SI: variants seen among roughly 807,000 people sequenced by gnomAD.
SI encodes the protein sucrase-isomaltase, intestinal.
SI carries 235 observed loss-of-function variants against 253.3 expected under a neutral mutation model. That is an observed-to-expected ratio of 0.93 (90% CI 0.83 to 1.03). The LOEUF is 1.03. SI is among the 50% of genes least tolerant of loss of function. SI has a pLI of 0.00. For synonymous variants in SI, 819 were observed against 712.0 expected (o/e 1.15, Z -2.39); for missense variants, 2,442 against 2,211.1 (o/e 1.10, Z -2.09).
intron 44 of SI, among the ~76,000 whole-genome samples, chr3:164,991,103 C>T (rs1717712880): frequency 6.6e-6 from 1 of 152,028 alleles, no homozygotes; most frequent in Admixed American, 6.6e-5. Flanking sequence ...GCAACATCTG[C>T]CTGGGTCGCT....
intron 22 of SI, 117 bp downstream of exon 22, chr3:165,036,272 A>C (rs1322139277): frequency 1.4e-6 from 1 of 716,162 alleles, no homozygotes; most frequent in African/African-American, 1.8e-5. Context: ...GATAAAAAAC[A>C]TTAGGAATTA....
At chr3:165,010,328 T>A (rs1647913701) in intron 34 of SI, among the ~76,000 whole-genome samples, 2 of 151,808 alleles carry the variant, frequency 1.3e-5, no homozygotes, top group Non-Finnish European at 2.9e-5. Context: ...CCTGGCTAAT[T>A]TTTTGTATTT....
rs1559992260 is a variant in SI, at chr3:165,019,647, C to T, written c.3378G>A (p.Leu1126=). 1 of 1,612,542 alleles carries T rather than the reference C, an allele frequency of 6.2e-7. No homozygotes were observed. The highest frequency in any genetic ancestry group is 8.5e-7 in the Non-Finnish European group (1 of 1,179,082). The change falls in exon 28 of 48, where the codon CTG becomes CTA. Residue 1126 remains leucine, a synonymous_variant. Coordinates refer to ENST00000264382, the MANE Select transcript of SI (RefSeq NM_001041.4). ...TGAACATTCCCCAAGTATTCCAGTTCAGATCTCGCTTAAATGCTGTATGTT... is the reference window on the plus strand; with the variant it reads ...TGAACATTCCCCAAGTATTCCAGTTTAGATCTCGCTTAAATGCTGTATGTT... ...EVEHTAFKRD[L]NWNTWGMFTR...
intron 22 of SI, 95 bp downstream of exon 22, chr3:165,036,294 T>G: frequency 3.7e-6 from 3 of 803,900 alleles, no homozygotes; most frequent in East Asian, 5.2e-5. Flanking sequence ...AAATAAAAAT[T>G]CGTGATATTT....
intron 25 of SI, among the ~76,000 whole-genome samples, chr3:165,025,267 G>C (rs1274990547): frequency 6.6e-6 from 1 of 151,056 alleles, no homozygotes; most frequent in African/African-American, 2.4e-5. Flanking sequence ...TTCAAGATGA[G>C]GTTTTTGAAT....
At position 165,032,503 on chromosome 3, in the gene SI, T is replaced by A; in HGVS notation, c.2736+19A>T. 5 of 1,531,412 alleles carry A rather than the reference T, an allele frequency of 3.3e-6. No individual in the cohort carries two copies. The highest frequency in any genetic ancestry group is 4.5e-6 in the Non-Finnish European group (5 of 1,109,052). 94.9% of individuals were successfully genotyped at this position (1,531,412 alleles called of 1,614,324 possible). A position where few individuals can be genotyped will look rare whatever the true frequency, so the allele number is the denominator to read the frequency against. Reference sequence around the variant, plus strand: ...TGAGATTATATGATAGCTAAAATATTTTAAAAGATTGTAATTACCTGGTTA... The same window carrying A: ...TGAGATTATATGATAGCTAAAATATATTAAAAGATTGTAATTACCTGGTTA... On this transcript the variant is annotated intron_variant, in intron 24 of 47. Transcript: ENST00000264382.
intron 37 of SI, among the ~76,000 whole-genome samples, chr3:165,006,200 CCAGGTCCAAGCGAT>C (rs1289893373): frequency 6.6e-6 from 1 of 152,192 alleles, no homozygotes; most frequent in Non-Finnish European, 1.5e-5. Flanking sequence ...CCTCTGCCGC[CCAGGTCCAAGCGAT>C]TCTTGTGCCT....
At chr3:165,028,293 G>A (rs1041184976) in intron 25 of SI, among the ~76,000 whole-genome samples, 1 of 151,250 alleles carries the variant, frequency 6.6e-6, no homozygotes, top group African/African-American at 2.4e-5. Context: ...AGAAATTATA[G>A]ATGACACAGA....
Position 165,032,572 on chromosome 3 carries a change from T to G in SI, c.2686A>C (p.Asn896His). The G allele has an allele frequency of 6.2e-7, 1 of 1,609,686 alleles. No individual in the cohort carries two copies. The highest frequency in any genetic ancestry group is 2.2e-5 in the East Asian group (1 of 44,640). The change falls in exon 24 of 48, where the codon AAT (asparagine) becomes CAT (histidine). Residue 896 changes from asparagine to histidine, a missense_variant. Asn to His is a moderately conservative substitution (Grantham distance 68). Coordinates refer to ENST00000264382, the MANE Select transcript of SI (RefSeq NM_001041.4). ...SVTEVRVAENNQPMNAHSNFT... is the reference protein window; with the variant it reads ...SVTEVRVAENHQPMNAHSNFT... The stretch of plus-strand genomic sequence containing the variant: ...TTGGAATGAGCGTTCATTGGTTGAT[T>G]ATTTTCCGCCACTCTAACTTCTGTA...
At chr3:164,986,817 A>G (rs1717461716) in intron 45 of SI, among the ~76,000 whole-genome samples, 1 of 152,190 alleles carries the variant, frequency 6.6e-6, no homozygotes, top group Non-Finnish European at 1.5e-5. Flanking sequence ...CTTTACATAT[A>G]TGCCAAGTGT....
intron 37 of SI, among the ~76,000 whole-genome samples, chr3:164,999,249 A>T (rs1431092183): frequency 1.3e-5 from 2 of 151,760 alleles, no homozygotes; most frequent in African/African-American, 4.8e-5. Context: ...GTGTAAATGA[A>T]ATCATATGAT....
rs947169361 is a variant in SI at position 165,030,814 on chromosome 3, T to C, written c.2790A>G (p.Gln930=). The change falls in exon 25 of 48, where the codon CAA becomes CAG. Residue 930 remains glutamine, a synonymous_variant. Coordinates refer to ENST00000264382, the MANE Select transcript of SI (RefSeq NM_001041.4). ...CATTTTCTGAGAAAATTTGATTCCA[T>C]TGAACACTAAAGTTTCTTCCAAGAT... The part of the protein sequence containing the change: ...KLNLGRNFSV[Q]WNQIFSENER... The C allele has an allele frequency of 1.1e-5, 17 of 1,605,364 alleles. No individual in the cohort carries two copies. Among genetic ancestry groups the C allele is most frequent in the Non-Finnish European group, 1.4e-5 (17 of 1,175,980 alleles).
Position 165,059,092 on chromosome 3 carries a change from G to C in SI, c.1279-10C>G. On this transcript the variant is annotated splice_polypyrimidine_tract_variant and intron_variant, in intron 11 of 47. Transcript: ENST00000264382. ...TGGAAATTGCAGGGTCCTAATAATAGAAAGCAGAAACTGCAAAATCTATTA... is the reference window on the plus strand; with the variant it reads ...TGGAAATTGCAGGGTCCTAATAATACAAAGCAGAAACTGCAAAATCTATTA... 3 of 1,609,894 alleles carry C rather than the reference G, an allele frequency of 1.9e-6. No individual in the cohort carries two copies. Among genetic ancestry groups the C allele is most frequent in the South Asian group, 1.1e-5 (1 of 90,886 alleles).
rs764760369 is a variant in SI, at chr3:165,055,325, TC to T, written c.1399-19del. 4.1e-6 allele frequency: 5 copies of T among 1,233,342 alleles called. No homozygotes were observed. The East Asian group carries it at 9.4e-5, about 23-fold the overall frequency. 76.4% of individuals were successfully genotyped at this position (1,233,342 alleles called of 1,614,324 possible). On this transcript the variant is annotated intron_variant, in intron 12 of 47. Coordinates refer to ENST00000264382, the MANE Select transcript of SI (RefSeq NM_001041.4). ...GGCCATACCTAGAAGAATAGATCATTCACATATATACATAAAAAATAGAAAA... is the reference window on the plus strand; with the variant it reads ...GGCCATACCTAGAAGAATAGATCATTACATATATACATAAAAAATAGAAAA...
chr3:165,056,176 G>A (rs1412705188), intron 12 of SI, among the ~76,000 whole-genome samples: 1 of 152,074 alleles, frequency 6.6e-6, no homozygotes, highest in Non-Finnish European at 1.5e-5. Context: ...CTGTCCATAA[G>A]GAACAAAGCT....
At chr3:165,062,881 A>G (rs529844753) in intron 8 of SI, among the ~76,000 whole-genome samples, 1 of 152,268 alleles carries the variant, frequency 6.6e-6, no homozygotes, top group South Asian at 2.1e-4. Flanking sequence ...ACAAAATGTC[A>G]AAAGTTTTAA....
intron 13 of SI, among the ~76,000 whole-genome samples, chr3:165,054,794 G>T (rs192225370): frequency 1.3e-5 from 2 of 152,094 alleles, no homozygotes; most frequent in Non-Finnish European, 1.5e-5. Context: ...AAGGGCAGGG[G>T]CTTATTCAGA....
At chr3:165,070,813 G>A (rs12497787) in intron 3 of SI, among the ~76,000 whole-genome samples, 88,448 of 151,792 alleles carry the variant, frequency 0.58, 26,154 homozygotes, top group East Asian at 0.81. Context: ...GTGACTTAAA[G>A]CAACAGAAAT....
chr3:165,067,315 T>C (rs757328061), intron 6 of SI, 25 bp downstream of exon 6: 5 of 1,486,640 alleles, frequency 3.4e-6, no homozygotes, highest in South Asian at 2.3e-5. Context: ...AATAAACTTA[T>C]ATAATTGTAA....
Sources: allele counts gnomAD v4.1 joint callset (sites outside exome capture counted in the v4.1 genomes callset), GRCh38; gene constraint gnomAD v4.1.1; transcripts MANE v1.5; gene names NCBI Gene and HGNC (gene_info 2026-07-23, HGNC 2026-07-21).